Variants in CFAP107 observed in about 807,000 individuals in gnomAD.
CFAP107 encodes the protein cilia- and flagella-associated protein 107.
chr1:12,746,884 ATGT>A, the CFAP107 span, among the ~76,000 whole-genome samples: 1 of 151,848 alleles, frequency 6.6e-6, no homozygotes, highest in Non-Finnish European at 1.5e-5. Context: ...AGGCATCTGG[ATGT>A]TTTCTGTCCT....
the CFAP107 span, among the ~76,000 whole-genome samples, chr1:12,757,971 G>A: frequency 1.3e-5 from 2 of 152,230 alleles, no homozygotes; most frequent in South Asian, 4.1e-4. Flanking sequence ...CCAGGGCCAA[G>A]TAGTGGACAC....
chr1:12,756,516 A>G, the CFAP107 span, among the ~76,000 whole-genome samples: 3,817 of 152,246 alleles, frequency 0.025, 76 homozygotes, highest in Non-Finnish European at 0.034. Flanking sequence ...CAGCCTGGGG[A>G]GAGCAAGCTT....
At chr1:12,748,461 T>TAAAAAA in the CFAP107 span, among the ~76,000 whole-genome samples, 1 of 121,992 alleles carries the variant, frequency 8.2e-6, no homozygotes. Context: ...GTAGGGGAAT[T>TAAAAAA]AAAAAAAAAA....
At chr1:12,757,768 T>A in the CFAP107 span, among the ~76,000 whole-genome samples, 3 of 152,162 alleles carry the variant, frequency 2.0e-5, no homozygotes, top group Non-Finnish European at 4.4e-5. Context: ...TCCACACAGC[T>A]GCTTCAACTC....
At chr1:12,746,265 C>A in the CFAP107 span, 12 of 519,154 alleles carry the variant, frequency 2.3e-5, no homozygotes, top group Non-Finnish European at 3.9e-5. Context: ...CTCTTGGGGC[C>A]GTTTTATTCT....
chr1:12,749,616 T>TA, the CFAP107 span, among the ~76,000 whole-genome samples: 2 of 151,090 alleles, frequency 1.3e-5, no homozygotes, highest in African/African-American at 4.9e-5. Context: ...GGCCCTGTCT[T>TA]AAAAAAACAC....
At chr1:12,758,384 T>C in the CFAP107 span, among the ~76,000 whole-genome samples, 1 of 152,198 alleles carries the variant, frequency 6.6e-6, no homozygotes, top group East Asian at 1.9e-4. Context: ...ATTCCCTTTG[T>C]TGATGGGAAA....
At chr1:12,760,875 C>T in the CFAP107 span, 6,625 of 1,614,154 alleles carry the variant, frequency 4.1e-3, 28 homozygotes, top group South Asian at 7.3e-3. Flanking sequence ...CCCAGACCAC[C>T]GTTGTGCGCT....
At chr1:12,759,460 C>CCAGAGAA in the CFAP107 span, 1 of 1,614,138 alleles carries the variant, frequency 6.2e-7, no homozygotes, top group Non-Finnish European at 8.5e-7. Flanking sequence ...GCTGTGGCTG[C>CCAGAGAA]CAGAGAAGTC....
the CFAP107 span, among the ~76,000 whole-genome samples, chr1:12,757,345 C>CTCTTT: frequency 2.4e-5 from 2 of 82,640 alleles, no homozygotes; most frequent in Non-Finnish European, 5.0e-5. Context: ...CTTTTCTTTT[C>CTCTTT]TCTTTTCTTT....
the CFAP107 span, among the ~76,000 whole-genome samples, chr1:12,747,119 G>A: frequency 6.6e-6 from 1 of 151,456 alleles, no homozygotes; most frequent in Non-Finnish European, 1.5e-5. Flanking sequence ...CCAGGCTAGA[G>A]TGCAGTGGCA....
chr1:12,754,405 C>T, the CFAP107 span, among the ~76,000 whole-genome samples: 1 of 152,118 alleles, frequency 6.6e-6, no homozygotes, highest in Non-Finnish European at 1.5e-5. Context: ...AAATGGGCAC[C>T]CTTGTGCCCT....
the CFAP107 span, among the ~76,000 whole-genome samples, chr1:12,754,838 A>G: frequency 5.9e-5 from 9 of 152,204 alleles, no homozygotes. Context: ...GAGTGATGGT[A>G]GCAAGGGGCT....
chr1:12,757,248 T>C, the CFAP107 span, among the ~76,000 whole-genome samples: 4 of 152,318 alleles, frequency 2.6e-5, no homozygotes, highest in East Asian at 7.7e-4. Flanking sequence ...TACAGTCTGG[T>C]TAAAATTAAG....
chr1:12,754,961 G>A, the CFAP107 span, among the ~76,000 whole-genome samples: 1 of 152,220 alleles, frequency 6.6e-6, no homozygotes, highest in African/African-American at 2.4e-5. Flanking sequence ...CAGCGTGAAT[G>A]TCACTGAACC....
chr1:12,759,880 CA>C, the CFAP107 span, among the ~76,000 whole-genome samples: 2 of 152,020 alleles, frequency 1.3e-5, no homozygotes, highest in Non-Finnish European at 2.9e-5. Context: ...GTTGACATTC[CA>C]GGGGGGAAAC....
At chr1:12,752,175 A>G in the CFAP107 span, among the ~76,000 whole-genome samples, 1 of 152,190 alleles carries the variant, frequency 6.6e-6, no homozygotes, top group Non-Finnish European at 1.5e-5. Context: ...ACAAACCAAT[A>G]TTCCTTATGA....
the CFAP107 span, among the ~76,000 whole-genome samples, chr1:12,747,186 G>C: frequency 1.3e-5 from 2 of 151,926 alleles, no homozygotes; most frequent in African/African-American, 4.8e-5. Context: ...TCTTGCCTCA[G>C]CCTCCCAAGT....
chr1:12,760,741 A>G, the CFAP107 span: 1 of 1,602,916 alleles, frequency 6.2e-7, no homozygotes, highest in Admixed American at 1.7e-5. Context: ...TGTAAGCCCC[A>G]TTCAACTGGA....
Sources: gnomAD v4.1 joint callset for allele counts (sites outside exome capture counted in the v4.1 genomes callset) on GRCh38, gnomAD v4.1.1 for gene constraint, MANE v1.5 for transcripts, NCBI Gene and HGNC (gene_info 2026-07-23, HGNC 2026-07-21) for gene names.